Variants in KLHL23 observed in about 807,000 individuals in gnomAD.
The protein encoded by KLHL23 is kelch like family member 23, also known as kelch-like protein 23.
Under a neutral mutation model 48.9 loss-of-function variants are expected in KLHL23, and 33 were observed. The ratio of observed to expected loss-of-function variants is 0.67; its 90% CI spans 0.51 to 0.90. The LOEUF (loss-of-function observed/expected upper bound fraction) is 0.90, where lower values mean the gene tolerates loss of function less well. Among genes scored for constraint, KLHL23 ranks in the 40% least tolerant of loss-of-function variants. KLHL23 has a pLI of 0.00. For missense variants in KLHL23, 608 were observed against 669.6 expected (o/e 0.91, Z 1.02); for synonymous variants, 234 against 231.6 (o/e 1.01, Z -0.09).
Position 169,735,713 on chromosome 2 carries a change from G to A in KLHL23, c.699G>A (p.Val233=). ...ATATCAACATTGATATAGATCCAGT[G>A]TACTTAAAAACAGCCTTAGGCCTTC... The part of the protein sequence containing the change: ...LSYINIDIDP[V]YLKTALGLQR... The change falls in exon 2 of 4, where the codon GTG becomes GTA. Residue 233 remains valine, a synonymous_variant. Transcript: ENST00000392647. The surrounding 1 kb of genome is among the most constrained non-coding windows in gnomAD (Gnocchi z 4.5). The A allele has an allele frequency of 6.2e-7, 1 of 1,614,004 alleles. No individual in the cohort carries two copies. The highest frequency in any genetic ancestry group is 8.5e-7 in the Non-Finnish European group (1 of 1,180,032).
intron 2 of KLHL23, among the ~76,000 whole-genome samples, chr2:169,740,765 A>T (rs1197111761): frequency 1.0e-5 from 1 of 95,548 alleles, no homozygotes; most frequent in Non-Finnish European, 2.0e-5. Flanking sequence ...GCTTTTTTAT[A>T]TTATATATAT....
At chr2:169,741,270 AG>A in intron 2 of KLHL23, 114 bp from the exon 3 acceptor site, 1 of 1,389,628 alleles carries the variant, frequency 7.2e-7, no homozygotes. Context: ...CACTTAGCAC[AG>A]TACCTTGCAT....
chr2:169,744,914 G>A (rs1246939078), intron 3 of KLHL23, among the ~76,000 whole-genome samples: 1 of 150,422 alleles, frequency 6.6e-6, no homozygotes, highest in Admixed American at 6.6e-5. Context: ...AGAGAATGAT[G>A]TGTGATCAGC....
rs1254683462 is a variant in KLHL23 at position 169,736,116 on chromosome 2, G to A, written c.1102G>A (p.Gly368Ser). 7 of 1,614,148 alleles carry A rather than the reference G, an allele frequency of 4.3e-6. No homozygotes were observed. Among genetic ancestry groups the A allele is most frequent in the Non-Finnish European group, 5.9e-6 (7 of 1,180,018 alleles). ...ARYYHCAVTL[G>S]GCVYALGGYR... is the part of the protein sequence containing the mutation. ...GTATTACCACTGTGCAGTCACCTTG[G>A]GTGGCTGTGTCTATGCTTTAGGTGG... is the stretch of plus-strand genomic sequence containing the variant. Residue 368 changes from glycine (G) to serine (S), a missense_variant, in exon 2 of 4, where the codon GGT (glycine) becomes AGT (serine). Gly to Ser is a moderately conservative substitution (Grantham distance 56). Around this residue, in one of 3 missense-constraint regions of KLHL23, gnomAD observed 419 missense variants for 473.1 expected, o/e 0.89. Transcript: ENST00000392647.
intron 3 of KLHL23, among the ~76,000 whole-genome samples, chr2:169,748,946 G>A (rs1355566417): frequency 6.6e-6 from 1 of 152,128 alleles, no homozygotes; most frequent in Non-Finnish European, 1.5e-5. Context: ...AGTGTGAGAA[G>A]CACACAAGGC....
chr2:169,743,093 C>A (rs1034023511), intron 3 of KLHL23, among the ~76,000 whole-genome samples: 4 of 152,200 alleles, frequency 2.6e-5, no homozygotes, highest in Admixed American at 6.5e-5. Context: ...ACTATTATCT[C>A]ACCTGAACCT....
chr2:169,749,306 C>A, intron 3 of KLHL23, 116 bp from the exon 4 acceptor site: 1 of 1,113,298 alleles, frequency 9.0e-7, no homozygotes, highest in Non-Finnish European at 1.2e-6. Flanking sequence ...AAAATACCAC[C>A]ACTCCCTATT....
At chr2:169,734,653 A>G (rs535488009) in intron 1 of KLHL23, among the ~76,000 whole-genome samples, 63 of 152,350 alleles carry the variant, frequency 4.1e-4, no homozygotes, top group African/African-American at 1.4e-3. Flanking sequence ...GGCCGAGCCG[A>G]GACAGCTGAG....
chr2:169,745,241 G>A (rs1430348729), intron 3 of KLHL23, among the ~76,000 whole-genome samples: 6 of 151,920 alleles, frequency 3.9e-5, no homozygotes, highest in Admixed American at 2.6e-4. Flanking sequence ...GGCTGGGCGC[G>A]GTGGCTCACG....
intron 3 of KLHL23, among the ~76,000 whole-genome samples, chr2:169,747,388 C>CTAAAAA: frequency 1.7e-4 from 1 of 5,792 alleles, no homozygotes; most frequent in South Asian, 0.01. Flanking sequence ...GACTCTGTCT[C>CTAAAAA]TAAAAAAAAA....
At chr2:169,742,017 T>C (rs985126723) in intron 3 of KLHL23, among the ~76,000 whole-genome samples, 6 of 152,248 alleles carry the variant, frequency 3.9e-5, no homozygotes, top group African/African-American at 1.4e-4. Context: ...TGCAGAGCCA[T>C]ATGTTGGCCT....
chr2:169,747,464 CTTTTT>C (rs145417361), intron 3 of KLHL23, among the ~76,000 whole-genome samples: 50 of 125,234 alleles, frequency 4.0e-4, no homozygotes, highest in African/African-American at 1.2e-3. Context: ...GAGGAAATCA[CTTTTT>C]TTTTTTTTTT....
chr2:169,741,340 A>C (rs1212792815), intron 2 of KLHL23, 45 bp from the exon 3 acceptor site: 1 of 1,562,448 alleles, frequency 6.4e-7, no homozygotes. Flanking sequence ...ACTGCAAAAA[A>C]GAACAAAAGA....
intron 2 of KLHL23, among the ~76,000 whole-genome samples, chr2:169,739,746 C>T (rs182360342): frequency 6.6e-6 from 1 of 152,196 alleles, no homozygotes; most frequent in African/African-American, 2.4e-5. Flanking sequence ...GGGATATGTT[C>T]TGAGAAATGT....
chr2:169,739,259 G>A (rs1688615989), intron 2 of KLHL23, among the ~76,000 whole-genome samples: 1 of 151,658 alleles, frequency 6.6e-6, no homozygotes, highest in Non-Finnish European at 1.5e-5. Context: ...AGGCCCTCGA[G>A]ACCGCCCACC....
At chr2:169,747,098 G>A (rs1688807377) in intron 3 of KLHL23, among the ~76,000 whole-genome samples, 1 of 152,048 alleles carries the variant, frequency 6.6e-6, no homozygotes, top group African/African-American at 2.4e-5. Context: ...CAAAACCTAG[G>A]GAGGGCCAGG....
In KLHL23 at chr2:169,749,487, A is replaced by G; in HGVS notation, c.1432A>G (p.Thr478Ala). 1 of 1,614,146 alleles carries G rather than the reference A, an allele frequency of 6.2e-7. No individual in the cohort carries two copies. Among genetic ancestry groups the G allele is most frequent in the Non-Finnish European group, 8.5e-7 (1 of 1,180,026 alleles). The change falls in exon 4 of 4, where the codon ACA becomes GCA. Residue 478 changes from threonine (T) to alanine (A), a missense_variant. By Grantham distance (58) the Thr-to-Ala change is moderately conservative. Transcript: ENST00000392647. ...LYLVGGQTTI[T>A]ECYDPEQNEW... ...TCTAGTCGGCGGACAAACTACAATCACAGAATGCTATGACCCTGAACAAAA... is the reference window on the plus strand; with the variant it reads ...TCTAGTCGGCGGACAAACTACAATCGCAGAATGCTATGACCCTGAACAAAA...
At chr2:169,745,069 C>G (rs112594425) in intron 3 of KLHL23, among the ~76,000 whole-genome samples, 27 of 151,680 alleles carry the variant, frequency 1.8e-4, no homozygotes, top group African/African-American at 6.3e-4. Context: ...TGCACCACCA[C>G]GCCTGGCTAA....
intron 2 of KLHL23, among the ~76,000 whole-genome samples, chr2:169,739,812 A>G (rs75520993): frequency 0.032 from 4,920 of 152,232 alleles, 103 homozygotes; most frequent in East Asian, 0.1. Context: ...GCTATACCAT[A>G]CTAATTCTAC....
Sources: gnomAD v4.1 joint callset for allele counts (sites outside exome capture counted in the v4.1 genomes callset) on GRCh38, gnomAD v4.1.1 for gene constraint, gnomAD v4.1.1 regional missense constraint, Gnocchi (gnomAD v3.1) non-coding constraint, MANE v1.5 for transcripts, NCBI Gene and HGNC (gene_info 2026-07-23, HGNC 2026-07-21) for gene names.